The following RILPL1 variants were observed in gnomAD, a reference collection of about 807,000 sequenced individuals.
The protein encoded by RILPL1 is RILP-like protein 1.
Under a neutral mutation model 50.3 loss-of-function variants are expected in RILPL1, and 33 were observed. The ratio of observed to expected loss-of-function variants is 0.66; its 90% CI spans 0.50 to 0.88. RILPL1 has a LOEUF of 0.88. Among genes scored for constraint, RILPL1 ranks in the 40% least tolerant of loss-of-function variants. The probability of loss-of-function intolerance (pLI) is 0.00; values close to 1 mark genes in which losing one functional copy is unlikely to be tolerated. For synonymous variants in RILPL1, 205 were observed against 228.6 expected (o/e 0.90, Z 0.93); for missense variants, 418 against 542.5 (o/e 0.77, Z 2.28).
intron 4 of RILPL1, among the ~76,000 whole-genome samples, chr12:123,488,444 CAAAAA>C (rs542226782): frequency 1.0e-4 from 8 of 76,980 alleles, no homozygotes; most frequent in African/African-American, 3.1e-4. Context: ...GACCCTGTCT[CAAAAA>C]AAAAAAAAAA....
chr12:123,517,165 G>A (rs1045843315), intron 2 of RILPL1, among the ~76,000 whole-genome samples: 2 of 152,188 alleles, frequency 1.3e-5, no homozygotes, highest in African/African-American at 4.8e-5. Context: ...TGGCTGCAGA[G>A]GAAGAGACTG....
At chr12:123,507,517 T>C (rs73216951) in intron 2 of RILPL1, among the ~76,000 whole-genome samples, 19,923 of 142,864 alleles carry the variant, frequency 0.14, 1,805 homozygotes, top group Non-Finnish European at 0.2. Flanking sequence ...ATGAGCTATG[T>C]CGTGCCACTG....
rs1207503097 is a variant in RILPL1 at position 123,525,700 on chromosome 12, C to CAAAAAA, written c.310-2061_310-2056dup. Among the ~76,000 whole-genome samples the CAAAAAA allele has an allele frequency of 1.7e-3, 76 of 44,978 alleles. 2 individuals carry two copies. Among genetic ancestry groups the CAAAAAA allele is most frequent in the Admixed American group, 2.3e-3 (7 of 2,990 alleles). The allele number at this position is 44,978 out of a possible 152,430, so 29.5% of individuals were successfully genotyped here. ...TGGGTGACAGAGTGAGACACTGTCT[C>CAAAAAA]AAAAAAAAAAAAAAAAAAAAAAAAG... is the stretch of plus-strand genomic sequence containing the variant. On this transcript the variant is annotated intron_variant, in intron 1 of 6. Coordinates refer to ENST00000376874, the MANE Select transcript of RILPL1 (RefSeq NM_178314.5).
intron 2 of RILPL1, 35 bp downstream of exon 2, chr12:123,523,460 C>T: frequency 6.2e-7 from 1 of 1,612,766 alleles, no homozygotes; most frequent in Non-Finnish European, 8.5e-7. Flanking sequence ...AAAGGAATGG[C>T]CGGCCCCCTT....
At chr12:123,502,047 T>G (rs1391854544) in intron 2 of RILPL1, among the ~76,000 whole-genome samples, 9 of 134,766 alleles carry the variant, frequency 6.7e-5, no homozygotes, top group Non-Finnish European at 1.4e-4. Context: ...ACCCCTGTAC[T>G]CCAGCCTGGG....
In RILPL1 at chr12:123,475,706, A is replaced by G. The variant is rs372767178; in HGVS notation, c.1068-3024T>C. The G allele has an allele frequency of 6.1e-5, 98 of 1,594,580 alleles. No homozygotes were observed. The African/African-American group carries it at 1.1e-3, about 17-fold the overall frequency. ...GACAGGCTGCAGTGTGGGGTCATCTATTATCAGTCCCGCTGCTACCATAGG... is the reference window on the plus strand; with the variant it reads ...GACAGGCTGCAGTGTGGGGTCATCTGTTATCAGTCCCGCTGCTACCATAGG... On this transcript the variant is annotated intron_variant, in intron 6 of 6. Coordinates refer to ENST00000376874, the MANE Select transcript of RILPL1 (RefSeq NM_178314.5).
intron 2 of RILPL1, among the ~76,000 whole-genome samples, chr12:123,511,166 TGTTTGTGTGAGGTCTGTGTGTGTGTG>T (rs1884144239): frequency 1.0e-5 from 1 of 96,836 alleles, no homozygotes; most frequent in African/African-American, 4.0e-5. Flanking sequence ...CTGTGTGTGG[TGTTTGTGTGAGGTCTGTGTGTGTGTG>T]GTGTGTGAGG....
At chr12:123,494,201 G>A (rs1021311316) in intron 4 of RILPL1, among the ~76,000 whole-genome samples, 3 of 152,178 alleles carry the variant, frequency 2.0e-5, no homozygotes, top group Admixed American at 1.3e-4. Context: ...GTCAGATGAC[G>A]AAATTGACCA....
chr12:123,494,439 G>A (rs1882903681), intron 4 of RILPL1, among the ~76,000 whole-genome samples: 1 of 152,172 alleles, frequency 6.6e-6, no homozygotes, highest in Admixed American at 6.5e-5. Flanking sequence ...TGCCCCATTG[G>A]CTGCCAGACA....
chr12:123,500,567 G>T (rs1281700445), intron 2 of RILPL1, among the ~76,000 whole-genome samples: 1 of 152,096 alleles, frequency 6.6e-6, no homozygotes, highest in Non-Finnish European at 1.5e-5. Flanking sequence ...TTACAGGCGT[G>T]AGCCACCGCA....
intron 2 of RILPL1, among the ~76,000 whole-genome samples, chr12:123,520,884 A>T (rs1884978188): frequency 6.6e-6 from 1 of 152,132 alleles, no homozygotes; most frequent in African/African-American, 2.4e-5. Context: ...GGATCAATCC[A>T]TGGTGCGCGT....
At chr12:123,504,711 T>C (rs1383134090) in intron 2 of RILPL1, among the ~76,000 whole-genome samples, 2 of 150,684 alleles carry the variant, frequency 1.3e-5, no homozygotes, top group African/African-American at 2.4e-5. Context: ...ATGGGTCTTA[T>C]TATCATTACT....
In RILPL1 at chr12:123,489,168, G is replaced by C. The variant is rs11507747; in HGVS notation, c.802-3363C>G. 0.075 allele frequency among the ~76,000 whole-genome samples: 11,406 copies of C among 152,204 alleles called. 1,342 individuals are homozygous for C. Among genetic ancestry groups the C allele is most frequent in the African/African-American group, 0.25 (10,377 of 41,480 alleles). Reference sequence around the variant, plus strand: ...GAGCTAACTTTGTGCCTTGCTGGCCGTGGAGCTCAGCCCTGGGAACAGAGT... The same window carrying C: ...GAGCTAACTTTGTGCCTTGCTGGCCCTGGAGCTCAGCCCTGGGAACAGAGT... On this transcript the variant is annotated intron_variant, in intron 4 of 6. Coordinates refer to ENST00000376874, the MANE Select transcript of RILPL1 (RefSeq NM_178314.5). This position sits in a 1 kb window ranked among gnomAD's most constrained non-coding sequence, Gnocchi z 4.0.
intron 2 of RILPL1, among the ~76,000 whole-genome samples, chr12:123,511,130 A>ATATG (rs1566135236): frequency 2.8e-5 from 1 of 35,878 alleles, no homozygotes; most frequent in African/African-American, 1.2e-4. Context: ...TGTGAGGTCT[A>ATATG]TGTGTGTGTG....
At position 123,484,214 on chromosome 12, in the gene RILPL1, T is replaced by A; in HGVS notation, c.1033A>T (p.Thr345Ser). 6.4e-7 allele frequency: 1 copy of A among 1,567,032 alleles called. No individual in the cohort carries two copies. Among genetic ancestry groups the A allele is most frequent in the Non-Finnish European group, 8.8e-7 (1 of 1,138,924 alleles). ...ATGCCCGACTCCGGCTGGGGGGACG[T>A]CCTCGGGTGGGCGATGGGTGGGGGT... ...PQPPPIAHPR[T>S]SPQPESGIKR... is the part of the protein sequence containing the mutation. Residue 345 changes from threonine (T) to serine (S), a missense_variant, in exon 6 of 7, where the codon ACG becomes TCG. Transcript: ENST00000376874.
In RILPL1 at chr12:123,515,685, C is replaced by T. The variant is rs547440375; in HGVS notation, c.460+7810G>A. On this transcript the variant is annotated intron_variant, in intron 2 of 6. Transcript: ENST00000376874. ...CAGGATGGTCTTTATCTCTTCACCC[C>T]GTGATCCGCCCGCCTCAGCCTCCCA... 2.6e-5 allele frequency among the ~76,000 whole-genome samples: 4 copies of T among 151,356 alleles called. 1 individual carries two copies. The highest frequency in any genetic ancestry group is 3.4e-3 in the Middle Eastern group (1 of 292).
chr12:123,491,213 C>T lies in RILPL1; in HGVS notation c.802-5408G>A, dbSNP rs1012653771. Among the ~76,000 whole-genome samples the T allele has an allele frequency of 2.6e-5, 4 of 152,204 alleles. No homozygotes were observed. The highest frequency in any genetic ancestry group is 2.9e-5 in the Non-Finnish European group (2 of 68,032). On this transcript the variant is annotated intron_variant, in intron 4 of 6. Coordinates refer to ENST00000376874, the MANE Select transcript of RILPL1 (RefSeq NM_178314.5). This position sits in a 1 kb window ranked among gnomAD's most constrained non-coding sequence, Gnocchi z 4.0. ...GGCTCTTTCCAAGATGGCAATCGAG[C>T]TCCATCTGCCGTGGTCCTCCTAGGC...
At position 123,485,177 on chromosome 12, in the gene RILPL1, T is replaced by A. The variant is rs1048242419; in HGVS notation, c.974+456A>T. ...GCTGGGAACTTAGCCATGGACAAGATAAATAAGACTTCTGGTCTCATGTTG... is the reference window on the plus strand; with the variant it reads ...GCTGGGAACTTAGCCATGGACAAGAAAAATAAGACTTCTGGTCTCATGTTG... On this transcript the variant is annotated intron_variant, in intron 5 of 6. Coordinates refer to ENST00000376874, the MANE Select transcript of RILPL1 (RefSeq NM_178314.5). This position sits in a 1 kb window ranked among gnomAD's most constrained non-coding sequence, Gnocchi z 4.0. 8 of 456,452 alleles carry A rather than the reference T, an allele frequency of 1.8e-5. No homozygotes were observed. The highest frequency in any genetic ancestry group is 1.6e-4 in the African/African-American group (8 of 50,078). 28.3% of individuals were successfully genotyped at this position (456,452 alleles called of 1,614,324 possible).
At position 123,521,987 on chromosome 12, in the gene RILPL1, C is replaced by G. The variant is rs1885085012; in HGVS notation, c.460+1508G>C. Among the ~76,000 whole-genome samples, 3 of 151,918 alleles carry G rather than the reference C, an allele frequency of 2.0e-5. No individual in the cohort carries two copies. In the South Asian group the frequency reaches 6.2e-4, roughly 32 times the overall value. ...ACGGGGTTTCATCACGTTGGCCAGGCCTCAAACTCCTGACCTCAAATGATC... is the reference window on the plus strand; with the variant it reads ...ACGGGGTTTCATCACGTTGGCCAGGGCTCAAACTCCTGACCTCAAATGATC... On this transcript the variant is annotated intron_variant, in intron 2 of 6. Transcript: ENST00000376874.
Sources: allele counts gnomAD v4.1 joint callset (sites outside exome capture counted in the v4.1 genomes callset), GRCh38; gene constraint gnomAD v4.1.1; non-coding constraint Gnocchi (gnomAD v3.1); transcripts MANE v1.5; gene names NCBI Gene and HGNC (gene_info 2026-07-23, HGNC 2026-07-21).